The following INVS variants were observed in gnomAD, a reference collection of about 807,000 sequenced individuals.
INVS encodes inversion of embryo turning homolog.
In INVS, 86 loss-of-function variants were observed where a neutral mutation model predicts 108.8. The observed-to-expected ratio is 0.79, with a 90% CI of 0.66 to 0.95. INVS has a LOEUF of 0.95. INVS is among the 40% of genes least tolerant of loss of function. INVS has a pLI of 0.00. For synonymous variants in INVS, 455 were observed against 473.5 expected, an observed-to-expected ratio of 0.96 and a Z score of 0.51; for missense variants, 1,169 against 1,297.4, an observed-to-expected ratio of 0.90 and a Z score of 1.52.
chr9:100,109,734 C>T (rs939215101), intron 2 of INVS, among the ~76,000 whole-genome samples: 25 of 152,258 alleles, frequency 1.6e-4, no homozygotes, highest in Admixed American at 5.9e-4. Flanking sequence ...GGCGTGATCT[C>T]GGCTCACCAC....
At chr9:100,161,372 A>ACAAAAAAC (rs1357620784) in intron 3 of INVS, among the ~76,000 whole-genome samples, 19 of 149,110 alleles carry the variant, frequency 1.3e-4, no homozygotes, top group African/African-American at 4.7e-4. Context: ...CTCAAAAAAA[A>ACAAAAAAC]AAAAAAAAAA....
chr9:100,264,973 C>A, intron 11 of INVS, 45 bp downstream of exon 11: 1 of 1,274,202 alleles, frequency 7.8e-7, no homozygotes, highest in Non-Finnish European at 1.1e-6. Context: ...GATGGCTTCT[C>A]GCCCTGTCAC....
rs747292561 is a variant in INVS at position 100,297,087 on chromosome 9, C to T, written c.2957C>T (p.Pro986Leu). The T allele has an allele frequency of 2.5e-6, 4 of 1,614,024 alleles. No individual in the cohort carries two copies. In the South Asian group the frequency reaches 4.4e-5, roughly 18 times the overall value. ...GCAGTAAGCAAGGCCCCCAAGAGTCCATCCAAGGGCACCTCAGGCACAAAG... is the reference window on the plus strand; with the variant it reads ...GCAGTAAGCAAGGCCCCCAAGAGTCTATCCAAGGGCACCTCAGGCACAAAG... ...TTAVSKAPKS[P>L]SKGTSGTKST... is the part of the protein sequence containing the mutation. The change falls in exon 15 of 17, where the codon CCA (proline) becomes CTA (leucine). Residue 986 changes from proline to leucine, a missense_variant. By Grantham distance (98) the Pro-to-Leu change is moderately conservative. This residue lies in a region of INVS where 533 missense variants were observed against 536.0 expected (regional missense o/e 0.99). Transcript: ENST00000262457.
intron 8 of INVS, among the ~76,000 whole-genome samples, chr9:100,247,646 A>G (rs1461516690): frequency 7.1e-5 from 10 of 140,342 alleles, no homozygotes; most frequent in Admixed American, 6.3e-4. Context: ...CAGTAGGGAG[A>G]GAGAAGGGAG....
At chr9:100,248,766 C>A (rs1273690768) in intron 8 of INVS, among the ~76,000 whole-genome samples, 1 of 151,956 alleles carries the variant, frequency 6.6e-6, no homozygotes, top group African/African-American at 2.4e-5. Flanking sequence ...GCCACAGGTG[C>A]TCTTTTAGAG....
At chr9:100,286,912 G>C (rs1019294244) in intron 13 of INVS, among the ~76,000 whole-genome samples, 1 of 152,258 alleles carries the variant, frequency 6.6e-6, no homozygotes, top group Admixed American at 6.5e-5. Flanking sequence ...TGTTATTACT[G>C]GTTTACTTGT....
chr9:100,213,182 G>C (rs1260323558), intron 3 of INVS, among the ~76,000 whole-genome samples: 1 of 126,992 alleles, frequency 7.9e-6, no homozygotes, highest in East Asian at 2.6e-4. Flanking sequence ...ATTGGCGTTA[G>C]AATTTCAACA....
intron 3 of INVS, chr9:100,130,015 A>C (rs1828010232): frequency 7.0e-6 from 2 of 287,148 alleles, no homozygotes; most frequent in African/African-American, 4.3e-5. Context: ...TAAGAAACCT[A>C]GTATTAAACA....
intron 3 of INVS, among the ~76,000 whole-genome samples, chr9:100,143,824 A>G (rs1394830582): frequency 6.6e-6 from 1 of 152,164 alleles, no homozygotes; most frequent in African/African-American, 2.4e-5. Flanking sequence ...CTTGAAAAGA[A>G]GGTAATGTGG....
At chr9:100,192,248 AGTGTGTGTGTGTGT>A (rs58132596) in intron 3 of INVS, among the ~76,000 whole-genome samples, 3 of 144,916 alleles carry the variant, frequency 2.1e-5, no homozygotes, top group Admixed American at 6.9e-5. Context: ...GGGAAAAAAG[AGTGTGTGTGTGTGT>A]GTGTGTGTGT....
chr9:100,237,192 G>A (rs1831714354), intron 5 of INVS, among the ~76,000 whole-genome samples: 2 of 152,130 alleles, frequency 1.3e-5, no homozygotes, highest in Admixed American at 1.3e-4. Flanking sequence ...CCTCAGTAAT[G>A]GTGACACCCC....
At chr9:100,155,069 A>C (rs1298501542) in intron 3 of INVS, among the ~76,000 whole-genome samples, 1 of 151,896 alleles carries the variant, frequency 6.6e-6, no homozygotes, top group Non-Finnish European at 1.5e-5. Context: ...AAAAATTAGC[A>C]GCCAGGCCTG....
At chr9:100,177,214 A>G (rs1829744758) in intron 3 of INVS, among the ~76,000 whole-genome samples, 1 of 152,084 alleles carries the variant, frequency 6.6e-6, no homozygotes, top group Non-Finnish European at 1.5e-5. Context: ...GGCAGACACC[A>G]AGCTACCTGT....
intron 8 of INVS, among the ~76,000 whole-genome samples, chr9:100,247,679 A>G (rs1832088013): frequency 6.8e-6 from 1 of 146,506 alleles, no homozygotes; most frequent in Admixed American, 6.7e-5. Context: ...ACTTAAAAAA[A>G]TCTCCCTCCC....
chr9:100,173,380 C>G (rs1411509012), intron 3 of INVS, among the ~76,000 whole-genome samples: 1 of 152,142 alleles, frequency 6.6e-6, no homozygotes, highest in African/African-American at 2.4e-5. Flanking sequence ...AATCTGCATT[C>G]TTACTTTTTG....
chr9:100,131,073 A>G (rs1355377926), intron 3 of INVS, among the ~76,000 whole-genome samples: 1 of 152,098 alleles, frequency 6.6e-6, no homozygotes, highest in Non-Finnish European at 1.5e-5. Flanking sequence ...GGAAAAGCTC[A>G]TATTCCCAAA....
intron 3 of INVS, among the ~76,000 whole-genome samples, chr9:100,189,938 G>A (rs1442957340): frequency 6.6e-6 from 1 of 152,006 alleles, no homozygotes; most frequent in African/African-American, 2.4e-5. Flanking sequence ...TTGTTGTAGA[G>A]TGCAGTTTAA....
rs902020074 is a variant in INVS at position 100,301,880 on chromosome 9, G to C, written c.*1206G>C. 1.3e-5 allele frequency among the ~76,000 whole-genome samples: 2 copies of C among 152,068 alleles called. No individual in the cohort carries two copies. The highest frequency in any genetic ancestry group is 2.9e-5 in the Non-Finnish European group (2 of 68,022). On this transcript the variant is annotated 3_prime_UTR_variant, in exon 17 of 17. Transcript: ENST00000262457. Reference sequence around the variant, plus strand: ...AGGTCTGCCTGGATGGAATTACAAAGATTTAGCCAGTTTCTTGGTATATAA... The same window carrying C: ...AGGTCTGCCTGGATGGAATTACAAACATTTAGCCAGTTTCTTGGTATATAA...
At chr9:100,173,670 G>A (rs984501862) in intron 3 of INVS, among the ~76,000 whole-genome samples, 2 of 152,056 alleles carry the variant, frequency 1.3e-5, no homozygotes, top group African/African-American at 4.8e-5. Flanking sequence ...CAGAGGTTGC[G>A]GTGAGCCAAG....
Sources: gnomAD v4.1 joint callset for allele counts (sites outside exome capture counted in the v4.1 genomes callset) on GRCh38, gnomAD v4.1.1 for gene constraint, gnomAD v4.1.1 regional missense constraint, MANE v1.5 for transcripts, NCBI Gene and HGNC (gene_info 2026-07-23, HGNC 2026-07-21) for gene names.